Variants in CNPPD1 observed in about 807,000 individuals in gnomAD.
CNPPD1 encodes cyclin Pas1/PHO80 domain containing 1.
A neutral mutation model predicts 43.7 loss-of-function variants in CNPPD1; 40 were observed. The observed-to-expected ratio is 0.92, with a 90% CI of 0.71 to 1.19. The LOEUF (loss-of-function observed/expected upper bound fraction) is 1.19. Ranked by LOEUF, CNPPD1 falls within the 50% of genes most tolerant of loss-of-function variation. The probability of loss-of-function intolerance (pLI) is 0.00; values close to 1 mark genes in which losing one functional copy is unlikely to be tolerated. For missense variants in CNPPD1, 511 were observed against 518.5 expected (o/e 0.99, Z 0.14); for synonymous variants, 208 against 214.3 (o/e 0.97, Z 0.26).
intron 5 of CNPPD1, 104 bp from the exon 6 acceptor site, chr2:219,174,311 T>C: frequency 9.0e-7 from 1 of 1,110,952 alleles, no homozygotes. Context: ...GGCTAATGCA[T>C]ATTTGGCACT....
intron 1 of CNPPD1, 43 bp from the exon 2 acceptor site, chr2:219,176,374 G>A (rs746323770): frequency 3.6e-6 from 5 of 1,401,678 alleles, no homozygotes; most frequent in Middle Eastern, 1.8e-4. Context: ...GGCACGGAAA[G>A]GTATGATGCA....
intron 6 of CNPPD1, among the ~76,000 whole-genome samples, 183 bp downstream of exon 6, chr2:219,173,963 T>C (rs1371395417): frequency 6.6e-6 from 1 of 152,162 alleles, no homozygotes; most frequent in Non-Finnish European, 1.5e-5. Flanking sequence ...TTAAATAAGC[T>C]GCTTCTCACC....
At position 219,172,861 on chromosome 2, in the gene CNPPD1, G is replaced by A; in HGVS notation, c.958C>T (p.Pro320Ser). The change falls in exon 8 of 8, where the codon CCA becomes TCA. Residue 320 changes from proline (P) to serine (S), a missense_variant. Physicochemically the swap from Pro to Ser is moderately conservative, Grantham distance 74. Coordinates refer to ENST00000360507, the MANE Select transcript of CNPPD1 (RefSeq NM_015680.6). ...GCAGGGGGGTCTGGGGGAGGCAATG[G>A]TGGAGGAGTCAGTGAGGCCAGAAGA... ...GSLLASLTPP[P>S]LPPPDPPAPP... 1 of 1,593,198 alleles carries A rather than the reference G, an allele frequency of 6.3e-7. No individual in the cohort carries two copies. Among genetic ancestry groups the A allele is most frequent in the Non-Finnish European group, 8.6e-7 (1 of 1,168,808 alleles).
chr2:219,173,209 G>T (rs1950104047), intron 7 of CNPPD1, 81 bp from the exon 8 acceptor site: 1 of 1,474,324 alleles, frequency 6.8e-7, no homozygotes, highest in African/African-American at 1.4e-5. Flanking sequence ...GTTCCAGTTG[G>T]AGGTCTCTAT....
In CNPPD1 at chr2:219,175,123, G is replaced by A. The variant is rs777866409; in HGVS notation, c.261-15C>T. 7.0e-6 allele frequency: 11 copies of A among 1,570,646 alleles called. No homozygotes were observed. The South Asian group carries it at 1.2e-4, about 17-fold the overall frequency. The stretch of plus-strand genomic sequence containing the variant: ...TGCATGCCTCCCTGGGTGGTAGAAA[G>A]GATCACTAATTAAACCCAAGGGTCC... On this transcript the variant is annotated splice_polypyrimidine_tract_variant and intron_variant, in intron 3 of 7. Transcript: ENST00000360507.
rs1047761066 is a variant in CNPPD1, at chr2:219,172,411, G to C, written c.*175C>G. ...TCCTGGCCAAGCAGCCAGCCACTGC[G>C]ATCTAGGAGTGAATTACCTTCAGTC... On this transcript the variant is annotated 3_prime_UTR_variant, in exon 8 of 8. Transcript: ENST00000360507. 1.4e-6 allele frequency: 1 copy of C among 708,242 alleles called. No individual in the cohort carries two copies. Among genetic ancestry groups the C allele is most frequent in the Non-Finnish European group, 2.4e-6 (1 of 414,016 alleles). 43.9% of individuals were successfully genotyped at this position (708,242 alleles called of 1,614,324 possible). A position where few individuals can be genotyped will look rare whatever the true frequency, so the allele number is the denominator to read the frequency against.
Position 219,172,896 on chromosome 2 carries a change from A to G in CNPPD1, c.923T>C (p.Leu308Pro). Residue 308 changes from leucine to proline, a missense_variant, in exon 8 of 8, where the codon CTC (leucine) becomes CCC (proline). By Grantham distance (98) the Leu-to-Pro change is moderately conservative. Transcript: ENST00000360507. Reference protein sequence around the residue: ...CLEGSMGLRSLWGSLLASLTP... With the variant: ...CLEGSMGLRSPWGSLLASLTP... ...CAGTGAGGCCAGAAGACTGCCCCAG[A>G]GTGACCGCAGCCCCATGCTGCCTTC... 4 of 1,608,650 alleles carry G rather than the reference A, an allele frequency of 2.5e-6. No individual in the cohort carries two copies. Among genetic ancestry groups the G allele is most frequent in the Non-Finnish European group, 3.4e-6 (4 of 1,177,032 alleles).
chr2:219,175,049 CG>C lies in CNPPD1; in HGVS notation c.319del (p.Arg107GlyfsTer18). 1 of 1,613,380 alleles carries C rather than the reference CG, an allele frequency of 6.2e-7. No homozygotes were observed. Among genetic ancestry groups the C allele is most frequent in the Non-Finnish European group, 8.5e-7 (1 of 1,179,906 alleles). ...MLALVYIERL[R>X]HRNPDYLQHV... ...CTGCAAGTAGTCTGGGTTTCGGTGC[CG>C]GAGCCGTTCAATGTACACCAGAGCC... On this transcript the variant is annotated frameshift_variant, in exon 4 of 8. Transcript: ENST00000360507. LOFTEE classifies it high-confidence loss of function.
chr2:219,173,972 C>A (rs1259371237), intron 6 of CNPPD1, among the ~76,000 whole-genome samples, 174 bp downstream of exon 6: 1 of 152,156 alleles, frequency 6.6e-6, no homozygotes, highest in Non-Finnish European at 1.5e-5. Flanking sequence ...CTGCTTCTCA[C>A]CTTCCCAAAG....
chr2:219,174,566 G>A (rs1175498638), intron 5 of CNPPD1, among the ~76,000 whole-genome samples: 1 of 152,176 alleles, frequency 6.6e-6, no homozygotes, highest in African/African-American at 2.4e-5. Flanking sequence ...TAGAGGAGGC[G>A]AGGAAATGTT....
chr2:219,178,102 C>G (rs1950207196), upstream of CNPPD1: 1 of 243,314 alleles, frequency 4.1e-6, no homozygotes, highest in Admixed American at 5.8e-5. Flanking sequence ...CGGGGTACTT[C>G]GTCAACCAGA....
At chr2:219,176,733 C>G (rs6436125) in intron 1 of CNPPD1, 27 bp downstream of exon 1, 1 of 1,535,080 alleles carries the variant, frequency 6.5e-7, no homozygotes, top group Non-Finnish European at 8.8e-7. Flanking sequence ...GCCGGGAGGC[C>G]GGGGAGGGGG....
chr2:219,172,755 G>A lies in CNPPD1; in HGVS notation c.1064C>T (p.Pro355Leu). Residue 355 changes from proline (P) to leucine (L), a missense_variant, in exon 8 of 8, where the codon CCC becomes CTC. Physicochemically the swap from Pro to Leu is moderately conservative, Grantham distance 98 (BLOSUM62 -3). Transcript: ENST00000360507. ...DSPTCHACLH[P>L]NRTVPTALSS... is the part of the protein sequence containing the mutation. Reference sequence around the variant, plus strand: ...CAGCGCAGTGGGGACTGTACGGTTGGGGTGGAGGCAGGCATGGCAGGTTGG... The same window carrying A: ...CAGCGCAGTGGGGACTGTACGGTTGAGGTGGAGGCAGGCATGGCAGGTTGG... 1 of 1,611,140 alleles carries A rather than the reference G, an allele frequency of 6.2e-7. No homozygotes were observed. Among genetic ancestry groups the A allele is most frequent in the Non-Finnish European group, 8.5e-7 (1 of 1,178,446 alleles).
chr2:219,173,266 T>C (rs1950104854), intron 7 of CNPPD1, 84 bp downstream of exon 7: 1 of 1,460,276 alleles, frequency 6.8e-7, no homozygotes, highest in East Asian at 2.3e-5. Flanking sequence ...CCCCATCTCC[T>C]GGGCTTTTCA....
chr2:219,173,539 T>C (rs1156852685), intron 6 of CNPPD1, 72 bp from the exon 7 acceptor site: 2 of 1,321,264 alleles, frequency 1.5e-6, no homozygotes, highest in Non-Finnish European at 2.1e-6. Flanking sequence ...CTCATACCAC[T>C]CAGGACCCAC....
chr2:219,174,053 C>A (rs113741936), intron 6 of CNPPD1, 93 bp downstream of exon 6: 2 of 1,202,352 alleles, frequency 1.7e-6, no homozygotes, highest in Non-Finnish European at 2.5e-6. Context: ...CTCCTCCCTC[C>A]CCCAGTTACA....
Position 219,173,472 on chromosome 2 carries a change from G to A in CNPPD1, c.573-5C>T. On this transcript the variant is annotated splice_region_variant and splice_polypyrimidine_tract_variant and intron_variant, in intron 6 of 7. Coordinates refer to ENST00000360507, the MANE Select transcript of CNPPD1 (RefSeq NM_015680.6). ...CGTCCCTGCTGCTCAGCCACACTGG[G>A]GGAAGTGGAGAAATGACAAGAGTAT... The A allele has an allele frequency of 6.2e-7, 1 of 1,612,926 alleles. No homozygotes were observed. The highest frequency in any genetic ancestry group is 8.5e-7 in the Non-Finnish European group (1 of 1,179,112).
rs559415936 is a variant in CNPPD1, at chr2:219,172,905, A to G, written c.914T>C (p.Leu305Pro). 1.2e-6 allele frequency: 2 copies of G among 1,611,060 alleles called. No individual in the cohort carries two copies. Among genetic ancestry groups the G allele is most frequent in the African/African-American group, 2.7e-5 (2 of 74,980 alleles). ...CAGAAGACTGCCCCAGAGTGACCGCAGCCCCATGCTGCCTTCCAGGCAGCT... is the reference window on the plus strand; with the variant it reads ...CAGAAGACTGCCCCAGAGTGACCGCGGCCCCATGCTGCCTTCCAGGCAGCT... The part of the protein sequence containing the change: ...VSSCLEGSMG[L>P]RSLWGSLLAS... The change falls in exon 8 of 8, where the codon CTG (leucine) becomes CCG (proline). Residue 305 changes from leucine (L) to proline (P), a missense_variant. Leu to Pro is a moderately conservative substitution (Grantham distance 98). Coordinates refer to ENST00000360507, the MANE Select transcript of CNPPD1 (RefSeq NM_015680.6).
chr2:219,174,756 A>G, intron 5 of CNPPD1, 22 bp downstream of exon 5: 1 of 1,567,526 alleles, frequency 6.4e-7, no homozygotes, highest in Non-Finnish European at 8.7e-7. Flanking sequence ...GAAACTGAGC[A>G]AGAGAGAGAA....
Sources: gnomAD v4.1 joint callset for allele counts (sites outside exome capture counted in the v4.1 genomes callset) on GRCh38, gnomAD v4.1.1 for gene constraint, MANE v1.5 for transcripts, NCBI Gene and HGNC (gene_info 2026-07-23, HGNC 2026-07-21) for gene names.